RIMS2: variants seen among roughly 807,000 people sequenced by gnomAD.
RIMS2 encodes regulating synaptic membrane exocytosis protein 2.
In RIMS2, 59 loss-of-function variants were observed where a neutral mutation model predicts 174.4. The observed-to-expected ratio is 0.34, with a 90% CI of 0.27 to 0.42. The LOEUF is 0.42. Ranked by LOEUF, RIMS2 falls within the 10% of genes least tolerant of loss-of-function variation. The pLI, the probability that RIMS2 is intolerant of heterozygous loss-of-function variation, is 1.00. For synonymous variants in RIMS2, 606 were observed against 572.5 expected (o/e 1.06, Z -0.84); for missense variants, 1,620 against 1,666.3 (o/e 0.97, Z 0.48).
At chr8:103,942,624 T>G in intron 13 of RIMS2, 149 bp from the exon 16 acceptor site, 1 of 516,190 alleles carries the variant, frequency 1.9e-6, no homozygotes, top group South Asian at 4.3e-5. Flanking sequence ...GTCAAGAACA[T>G]ATTGACAATT....
intron 1 of RIMS2, among the ~76,000 whole-genome samples, chr8:103,571,735 A>T (rs1004835257): frequency 6.6e-6 from 1 of 152,232 alleles, no homozygotes; most frequent in Non-Finnish European, 1.5e-5. Context: ...TCGTTCATAT[A>T]ACTGGAAAGT....
intron 2 of RIMS2, among the ~76,000 whole-genome samples, chr8:103,708,561 T>G (rs1021631626): frequency 6.6e-6 from 1 of 152,196 alleles, no homozygotes; most frequent in African/African-American, 2.4e-5. Flanking sequence ...GCCAGGGACA[T>G]GATCACAGGA....
At chr8:104,147,347 C>T (rs2098649660) in intron 19 of RIMS2, among the ~76,000 whole-genome samples, 1 of 151,960 alleles carries the variant, frequency 6.6e-6, no homozygotes, top group Non-Finnish European at 1.5e-5. Context: ...GTATACTTCA[C>T]TATATATTTT....
chr8:103,527,646 T>G (rs542561576), intron 1 of RIMS2, among the ~76,000 whole-genome samples: 2 of 152,188 alleles, frequency 1.3e-5, no homozygotes, highest in East Asian at 1.9e-4. Flanking sequence ...TGGTGTTTGG[T>G]TTTCTCTCCT....
At chr8:103,788,176 A>AT (rs1197357424) in intron 3 of RIMS2, among the ~76,000 whole-genome samples, 1 of 147,242 alleles carries the variant, frequency 6.8e-6, no homozygotes, top group South Asian at 2.2e-4. Context: ...ATTCTTCTAA[A>AT]TTTTTTTCAA....
intron 2 of RIMS2, among the ~76,000 whole-genome samples, chr8:103,756,465 T>C (rs2098011218): frequency 6.6e-6 from 1 of 150,456 alleles, no homozygotes; most frequent in Non-Finnish European, 1.5e-5. Context: ...AAGACAGGTG[T>C]CACTTTGTCA....
At chr8:104,025,126 T>A (rs1052839238) in intron 19 of RIMS2, among the ~76,000 whole-genome samples, 8 of 152,172 alleles carry the variant, frequency 5.3e-5, no homozygotes, top group Admixed American at 5.2e-4. Flanking sequence ...ATTTTATTAT[T>A]TGCCGTGTAG....
chr8:103,553,556 C>T (rs569265572), intron 1 of RIMS2, among the ~76,000 whole-genome samples: 1 of 152,136 alleles, frequency 6.6e-6, no homozygotes, highest in South Asian at 2.1e-4. Context: ...TGTAACAAAG[C>T]TGCATGTTGT....
intron 1 of RIMS2, among the ~76,000 whole-genome samples, chr8:103,593,389 A>T (rs1025354795): frequency 6.6e-6 from 1 of 151,620 alleles, no homozygotes. Context: ...GGACCAAAAG[A>T]TTTTAATGTA....
intron 19 of RIMS2, among the ~76,000 whole-genome samples, chr8:104,040,897 CAATT>C (rs1440140346): frequency 6.6e-6 from 1 of 151,572 alleles, no homozygotes; most frequent in African/African-American, 2.4e-5. Context: ...GGTGATGACT[CAATT>C]AAATCTTTTC....
chr8:104,046,893 T>C (rs999971867), intron 19 of RIMS2, among the ~76,000 whole-genome samples: 11 of 151,016 alleles, frequency 7.3e-5, no homozygotes, highest in African/African-American at 2.7e-4. Flanking sequence ...TATAGGAATA[T>C]TTTATATAAG....
chr8:104,230,383 C>T (rs1050995416), intron 19 of RIMS2, among the ~76,000 whole-genome samples: 2 of 152,006 alleles, frequency 1.3e-5, no homozygotes, highest in South Asian at 4.2e-4. Context: ...CGGTGGCTCA[C>T]GCTTATAATC....
intron 2 of RIMS2, among the ~76,000 whole-genome samples, chr8:103,704,358 G>A (rs2137614794): frequency 6.6e-6 from 1 of 151,786 alleles, no homozygotes; most frequent in East Asian, 1.9e-4. Context: ...AGTTCAGTTT[G>A]CTAGAATGTT....
intron 3 of RIMS2, among the ~76,000 whole-genome samples, chr8:103,837,087 T>A (rs2098900582): frequency 6.6e-6 from 1 of 152,260 alleles, no homozygotes; most frequent in African/African-American, 2.4e-5. Flanking sequence ...TGTCTATTGT[T>A]GTCTAATAAA....
chr8:103,723,086 T>C (rs1242236529), intron 2 of RIMS2, among the ~76,000 whole-genome samples: 1 of 152,214 alleles, frequency 6.6e-6, no homozygotes, highest in Admixed American at 6.5e-5. Context: ...CACTCGAGCC[T>C]GGGCGACAGA....
chr8:104,126,767 A>C (rs574247955), intron 19 of RIMS2, among the ~76,000 whole-genome samples: 1 of 152,338 alleles, frequency 6.6e-6, no homozygotes, highest in South Asian at 2.1e-4. Flanking sequence ...AATGAAACTG[A>C]AAAGTAGCAC....
chr8:103,619,642 G>T (rs76035728), intron 1 of RIMS2, among the ~76,000 whole-genome samples: 29,361 of 151,976 alleles, frequency 0.19, 3,031 homozygotes, highest in Middle Eastern at 0.3. Flanking sequence ...GAAGAAAACA[G>T]ATCACATAGA....
At chr8:103,762,858 T>A (rs1030243473) in intron 2 of RIMS2, among the ~76,000 whole-genome samples, 5 of 152,220 alleles carry the variant, frequency 3.3e-5, no homozygotes, top group African/African-American at 1.2e-4. Context: ...AACATGTTAC[T>A]GTATTAAATA....
chr8:104,156,395 T>C (rs79731830), intron 19 of RIMS2, among the ~76,000 whole-genome samples: 3,605 of 152,252 alleles, frequency 0.024, 63 homozygotes, highest in Non-Finnish European at 0.036. Context: ...AAATGGGACA[T>C]TGGGAAATTT....
Sources: allele counts gnomAD v4.1 joint callset (sites outside exome capture counted in the v4.1 genomes callset), GRCh38; gene constraint gnomAD v4.1.1; transcripts MANE v1.5; gene names NCBI Gene and HGNC (gene_info 2026-07-23, HGNC 2026-07-21).